Variants in RFX3 observed in about 807,000 individuals in gnomAD.
RFX3 encodes regulatory factor X3, also known as transcription factor RFX3.
A neutral mutation model predicts 98.6 loss-of-function variants in RFX3; 14 were observed. The observed-to-expected ratio is 0.14, with a 90% confidence interval of 0.09 to 0.22. The LOEUF (loss-of-function observed/expected upper bound fraction) is 0.22. RFX3 is among the 10% of genes least tolerant of loss of function. The pLI, the probability that RFX3 is intolerant of heterozygous loss-of-function variation, is 1.00. For missense variants in RFX3, 639 were observed against 926.9 expected (o/e 0.69, Z 4.03); for synonymous variants, 383 against 328.4 (o/e 1.17, Z -1.80).
At chr9:3,371,216 C>G (rs559971107) in intron 2 of RFX3, among the ~76,000 whole-genome samples, 5 of 152,224 alleles carry the variant, frequency 3.3e-5, no homozygotes, top group Admixed American at 3.3e-4. Flanking sequence ...ATTCAGATGT[C>G]TCTGTTCATA....
chr9:3,499,352 T>A (rs1320205022), intron 1 of RFX3, among the ~76,000 whole-genome samples: 3 of 151,986 alleles, frequency 2.0e-5, no homozygotes, highest in Non-Finnish European at 4.4e-5. Context: ...CCCAAAAAAA[T>A]TATTTTAAAA....
At chr9:3,415,855 ATTCCTAGAAGGTGGCGGCAATG>A (rs1306761421) in intron 1 of RFX3, among the ~76,000 whole-genome samples, 1 of 152,042 alleles carries the variant, frequency 6.6e-6, no homozygotes, top group African/African-American at 2.4e-5. Flanking sequence ...CTCTCTATCA[ATTCCTAGAAGGTGGCGGCAATG>A]TTCCTGAATG....
At chr9:3,524,465 G>A (rs1275550350) in intron 1 of RFX3, 13 of 949,054 alleles carry the variant, frequency 1.4e-5, no homozygotes, top group Non-Finnish European at 1.6e-5. Context: ...CAGAAAGAAA[G>A]TGAAATATAC....
At chr9:3,390,872 T>A (rs1420854374) in intron 2 of RFX3, among the ~76,000 whole-genome samples, 2 of 152,150 alleles carry the variant, frequency 1.3e-5, no homozygotes, top group African/African-American at 4.8e-5. Context: ...ATTACTAGCA[T>A]GAAAATGGAC....
intron 2 of RFX3, among the ~76,000 whole-genome samples, chr9:3,375,780 G>GA (rs1315697735): frequency 6.6e-6 from 1 of 151,970 alleles, no homozygotes; most frequent in East Asian, 1.9e-4. Context: ...CTAACACGGT[G>GA]AAACCCCGCC....
intron 2 of RFX3, among the ~76,000 whole-genome samples, chr9:3,372,042 A>C (rs1227519287): frequency 6.6e-6 from 1 of 152,182 alleles, no homozygotes; most frequent in Non-Finnish European, 1.5e-5. Context: ...ACATGCCCCA[A>C]ATCTGTATAC....
At chr9:3,512,560 T>C (rs977950615) in intron 1 of RFX3, among the ~76,000 whole-genome samples, 2 of 151,902 alleles carry the variant, frequency 1.3e-5, no homozygotes, top group Non-Finnish European at 2.9e-5. Context: ...AATAAAATAA[T>C]TACAAGAAAA....
intron 9 of RFX3, among the ~76,000 whole-genome samples, chr9:3,274,373 C>T (rs1824923885): frequency 6.6e-6 from 1 of 152,106 alleles, no homozygotes; most frequent in Admixed American, 6.6e-5. Flanking sequence ...CACAAATATC[C>T]CTGGAATAAA....
At chr9:3,411,344 C>T (rs1182643760) in intron 1 of RFX3, among the ~76,000 whole-genome samples, 1 of 151,834 alleles carries the variant, frequency 6.6e-6, no homozygotes, top group Non-Finnish European at 1.5e-5. Context: ...TCCCTTGCTC[C>T]TTTCTCTCCT....
chr9:3,257,228 A>G (rs1250156484), intron 13 of RFX3, 29 bp from the exon 14 acceptor site: 11 of 1,602,866 alleles, frequency 6.9e-6, no homozygotes, highest in Non-Finnish European at 8.5e-6. Context: ...AAGAAAAGGA[A>G]AAGTTCAATT....
chr9:3,391,646 T>A (rs78437249), intron 2 of RFX3, among the ~76,000 whole-genome samples: 3,346 of 152,244 alleles, frequency 0.022, 134 homozygotes, highest in African/African-American at 0.077. Flanking sequence ...TTATTTTTTA[T>A]GAGGTCAAGA....
At chr9:3,301,831 T>A (rs1054639524) in intron 4 of RFX3, among the ~76,000 whole-genome samples, 2 of 151,766 alleles carry the variant, frequency 1.3e-5, no homozygotes, top group African/African-American at 4.8e-5. Context: ...ATTCACAAAG[T>A]AAACCTTTTT....
At chr9:3,261,085 T>C (rs563654372) in intron 13 of RFX3, among the ~76,000 whole-genome samples, 2 of 151,898 alleles carry the variant, frequency 1.3e-5, no homozygotes, top group Non-Finnish European at 2.9e-5. Flanking sequence ...AATAAAATAA[T>C]TACTAATTAG....
At chr9:3,242,203 G>A (rs1184655043) in intron 15 of RFX3, among the ~76,000 whole-genome samples, 1 of 152,116 alleles carries the variant, frequency 6.6e-6, no homozygotes, top group Non-Finnish European at 1.5e-5. Context: ...GTGAAATAGG[G>A]ATACTGAGAC....
rs993542572 is a variant in RFX3 at position 3,270,415 on chromosome 9, G to A, written c.1313C>T (p.Ala438Val). The A allele has an allele frequency of 9.3e-6, 15 of 1,613,812 alleles. No homozygotes were observed. The highest frequency in any genetic ancestry group is 1.3e-5 in the African/African-American group (1 of 75,038). ...MCNCDHGMYQ[A>V]LVEILIPDVL... Reference sequence around the variant, plus strand: ...GTCGGGGATGAGAATCTCCACCAAAGCCTGGTACATCCCATGGTCACAGTT... The same window carrying A: ...GTCGGGGATGAGAATCTCCACCAAAACCTGGTACATCCCATGGTCACAGTT... The change falls in exon 11 of 17, where the codon GCT becomes GTT. Residue 438 changes from alanine (A) to valine (V), a missense_variant. Ala to Val is a moderately conservative substitution (Grantham distance 64, BLOSUM62 0). This residue lies in a region of RFX3 where 138 missense variants were observed against 308.9 expected (regional missense o/e 0.45). Coordinates refer to ENST00000617270, the MANE Select transcript of RFX3 (RefSeq NM_001282116.2).
intron 1 of RFX3, among the ~76,000 whole-genome samples, chr9:3,525,375 C>G (rs1819162738): frequency 6.6e-6 from 1 of 152,230 alleles, no homozygotes; most frequent in African/African-American, 2.4e-5. Context: ...TCACCTGACC[C>G]TCCTCCTCAG....
In RFX3 at chr9:3,297,528, G is replaced by T. The variant is rs115335694; in HGVS notation, c.549+4018C>A. 9.1e-3 allele frequency among the ~76,000 whole-genome samples: 1,383 copies of T among 152,006 alleles called. 21 individuals are homozygous for T. The highest frequency in any genetic ancestry group is 0.032 in the African/African-American group (1,319 of 41,504). On this transcript the variant is annotated intron_variant, in intron 5 of 16. Coordinates refer to ENST00000617270, the MANE Select transcript of RFX3 (RefSeq NM_001282116.2). Reference sequence around the variant, plus strand: ...AATAAAAAGAAATAAATATTGCATTGCCCAATTAACATCTAAATGTAACAT... The same window carrying T: ...AATAAAAAGAAATAAATATTGCATTTCCCAATTAACATCTAAATGTAACAT...
At chr9:3,453,956 T>C (rs1335802603) in intron 1 of RFX3, among the ~76,000 whole-genome samples, 2 of 152,116 alleles carry the variant, frequency 1.3e-5, no homozygotes, top group Non-Finnish European at 2.9e-5. Context: ...TGGGCATCAG[T>C]TTTTGAGACT....
At chr9:3,316,186 T>C (rs1830567804) in intron 4 of RFX3, among the ~76,000 whole-genome samples, 1 of 152,148 alleles carries the variant, frequency 6.6e-6, no homozygotes, top group South Asian at 2.1e-4. Context: ...CACTATCAAG[T>C]TGGCTTCATC....
Sources: gnomAD v4.1 joint callset for allele counts (sites outside exome capture counted in the v4.1 genomes callset) on GRCh38, gnomAD v4.1.1 for gene constraint, gnomAD v4.1.1 regional missense constraint, MANE v1.5 for transcripts, NCBI Gene and HGNC (gene_info 2026-07-23, HGNC 2026-07-21) for gene names.